The following TMCC1 variants were observed in gnomAD, a reference collection of about 807,000 sequenced individuals.
TMCC1 encodes the protein transmembrane and coiled-coil domain family 1, also known as transmembrane and coiled-coil domains protein 1.
TMCC1 carries 15 observed loss-of-function variants against 52.4 expected under a neutral mutation model. The observed-to-expected ratio is 0.29, with a 90% confidence interval of 0.19 to 0.44. The LOEUF is 0.44. TMCC1 is among the 20% of genes least tolerant of loss of function. The pLI, the probability that TMCC1 is intolerant of heterozygous loss-of-function variation, is 1.00. For missense variants in TMCC1, 503 were observed against 806.0 expected (o/e 0.62, Z 4.55); for synonymous variants, 279 against 301.9 (o/e 0.92, Z 0.79).
chr3:129,870,749 G>A (rs1280071133), intron 2 of TMCC1, among the ~76,000 whole-genome samples: 1 of 7,246 alleles, frequency 1.4e-4, no homozygotes, highest in African/African-American at 2.2e-4. Flanking sequence ...GACAGAGCAA[G>A]ACTCCATCTC....
intron 4 of TMCC1, among the ~76,000 whole-genome samples, chr3:129,679,649 A>T (rs950693133): frequency 1.3e-5 from 2 of 151,742 alleles, no homozygotes; most frequent in Non-Finnish European, 2.9e-5. Flanking sequence ...TGAACTTCCT[A>T]TTTTCTTTCT....
intron 4 of TMCC1, among the ~76,000 whole-genome samples, chr3:129,759,814 C>A (rs1264733074): frequency 7.3e-6 from 1 of 137,416 alleles, no homozygotes; most frequent in African/African-American, 2.7e-5. Flanking sequence ...CTCCGCCTCC[C>A]GGGTTCACGC....
At chr3:129,802,985 T>G (rs1177632003) in intron 4 of TMCC1, among the ~76,000 whole-genome samples, 2 of 152,234 alleles carry the variant, frequency 1.3e-5, no homozygotes, top group Non-Finnish European at 2.9e-5. Context: ...ATGAGGGACT[T>G]CTTGCTCCAA....
intron 4 of TMCC1, among the ~76,000 whole-genome samples, chr3:129,804,959 T>C (rs1253713990): frequency 6.6e-6 from 1 of 152,228 alleles, no homozygotes; most frequent in Non-Finnish European, 1.5e-5. Context: ...TGGTACTTCA[T>C]TATGGTGCAT....
rs61395564 is a variant in TMCC1, at chr3:129,739,414, G to A, written c.577-68150C>T. Among the ~76,000 whole-genome samples the A allele has an allele frequency of 2.0e-4, 31 of 152,142 alleles. No homozygotes were observed. In the East Asian group the frequency reaches 5.8e-3, roughly 28 times the overall value. ...ACTCCTGACCTCAAGTGATCCACCCGCCTCGGCCTCCCAAAGTGCTGAGAT... is the reference window on the plus strand; with the variant it reads ...ACTCCTGACCTCAAGTGATCCACCCACCTCGGCCTCCCAAAGTGCTGAGAT... On this transcript the variant is annotated intron_variant, in intron 4 of 6. Transcript: ENST00000393238.
intron 4 of TMCC1, among the ~76,000 whole-genome samples, chr3:129,814,883 CA>C (rs2058021347): frequency 1.3e-5 from 2 of 152,120 alleles, no homozygotes; most frequent in South Asian, 4.1e-4. Flanking sequence ...TACCCAACAT[CA>C]GAGCTCCCAA....
At position 129,651,389 on chromosome 3, in the gene TMCC1, T is replaced by G; in HGVS notation, c.*92A>C. On this transcript the variant is annotated 3_prime_UTR_variant, in exon 7 of 7. Coordinates refer to ENST00000393238, the MANE Select transcript of TMCC1 (RefSeq NM_001017395.5). This position sits in a 1 kb window ranked among gnomAD's most constrained non-coding sequence, Gnocchi z 5.1. ...ACAGATTCACTCAACTCTTTTTTTG[T>G]TGTAGAAAACTTCAGAGTAGGTAAG... is the stretch of plus-strand genomic sequence containing the variant. 3 of 1,344,080 alleles carry G rather than the reference T, an allele frequency of 2.2e-6. No homozygotes were observed. The South Asian group carries it at 4.5e-5, about 20-fold the overall frequency. 83.3% of individuals were successfully genotyped at this position (1,344,080 alleles called of 1,614,324 possible).
At position 129,648,364 on chromosome 3, in the gene TMCC1, G is replaced by C. The variant is rs539129816; in HGVS notation, c.*3117C>G. Reference sequence around the variant, plus strand: ...TGAGGAAGGCTCGCTCCCAATATTTGTCTTGGCATCAGACTTTTACTCCAT... The same window carrying C: ...TGAGGAAGGCTCGCTCCCAATATTTCTCTTGGCATCAGACTTTTACTCCAT... On this transcript the variant is annotated 3_prime_UTR_variant, in exon 7 of 7. Transcript: ENST00000393238. The C allele has an allele frequency of 3.3e-5, 5 of 152,292 alleles. No homozygotes were observed. The highest frequency in any genetic ancestry group is 7.3e-5 in the Non-Finnish European group (5 of 68,030). The allele number at this position is 152,292 out of a possible 1,614,324, so 9.4% of individuals were successfully genotyped here.
chr3:129,784,483 T>C (rs570236810), intron 4 of TMCC1, among the ~76,000 whole-genome samples: 150 of 151,862 alleles, frequency 9.9e-4, no homozygotes, highest in African/African-American at 3.4e-3. Flanking sequence ...GGAGAATGGC[T>C]TGAACCTGGG....
intron 4 of TMCC1, among the ~76,000 whole-genome samples, chr3:129,820,384 A>G (rs1274211685): frequency 6.6e-6 from 1 of 151,966 alleles, no homozygotes; most frequent in Non-Finnish European, 1.5e-5. Flanking sequence ...ATATATATAT[A>G]TATCCCAAGG....
At chr3:129,697,268 A>T (rs2047480970) in intron 4 of TMCC1, among the ~76,000 whole-genome samples, 1 of 152,212 alleles carries the variant, frequency 6.6e-6, no homozygotes, top group Non-Finnish European at 1.5e-5. Context: ...GTGTACCTAC[A>T]GGCTCAACAC....
At chr3:129,720,455 G>A (rs1417093999) in intron 4 of TMCC1, among the ~76,000 whole-genome samples, 1 of 152,144 alleles carries the variant, frequency 6.6e-6, no homozygotes, top group Non-Finnish European at 1.5e-5. Flanking sequence ...CTTGTAGGTT[G>A]TCTACGTGGA....
intron 4 of TMCC1, among the ~76,000 whole-genome samples, chr3:129,677,703 T>C (rs1206942225): frequency 6.6e-6 from 1 of 152,220 alleles, no homozygotes; most frequent in Non-Finnish European, 1.5e-5. Flanking sequence ...CTGGTTGTCA[T>C]GGCTTGTTAG....
At chr3:129,716,854 G>C (rs2049149041) in intron 4 of TMCC1, among the ~76,000 whole-genome samples, 1 of 152,150 alleles carries the variant, frequency 6.6e-6, no homozygotes, top group Admixed American at 6.5e-5. Flanking sequence ...CCCAAAGCTA[G>C]CTTTGGAATA....
chr3:129,886,995 T>A (rs764688776), intron 1 of TMCC1, among the ~76,000 whole-genome samples: 1 of 152,030 alleles, frequency 6.6e-6, no homozygotes, highest in African/African-American at 2.4e-5. Context: ...ATTCCATTTA[T>A]GTGACATGTT....
intron 4 of TMCC1, among the ~76,000 whole-genome samples, chr3:129,754,293 G>C (rs546759627): frequency 6.6e-6 from 1 of 152,266 alleles, no homozygotes; most frequent in East Asian, 1.9e-4. Flanking sequence ...ATATTGCTAA[G>C]ACTCAATTCT....
intron 4 of TMCC1, among the ~76,000 whole-genome samples, chr3:129,738,109 A>G (rs1163223470): frequency 6.6e-6 from 1 of 151,866 alleles, no homozygotes; most frequent in African/African-American, 2.4e-5. Flanking sequence ...CATCTCTACT[A>G]AAAATACAAA....
At chr3:129,838,416 AAAAG>A (rs1359504113) in intron 2 of TMCC1, among the ~76,000 whole-genome samples, 1 of 151,668 alleles carries the variant, frequency 6.6e-6, no homozygotes, top group Admixed American at 6.6e-5. Context: ...CTCAAAAAAT[AAAAG>A]AAAAAGAAAA....
chr3:129,803,074 C>G (rs1259354503), intron 4 of TMCC1, among the ~76,000 whole-genome samples: 1 of 152,204 alleles, frequency 6.6e-6, no homozygotes, highest in Non-Finnish European at 1.5e-5. Flanking sequence ...TTATCAGGAA[C>G]CCACTCCCAT....
Sources: gnomAD v4.1 joint callset for allele counts (sites outside exome capture counted in the v4.1 genomes callset) on GRCh38, gnomAD v4.1.1 for gene constraint, Gnocchi (gnomAD v3.1) non-coding constraint, MANE v1.5 for transcripts, NCBI Gene and HGNC (gene_info 2026-07-23, HGNC 2026-07-21) for gene names.